SLC36A2: variants seen among roughly 807,000 people sequenced by gnomAD.
SLC36A2 encodes proton-coupled amino acid transporter 2.
Under a neutral mutation model 42.7 loss-of-function variants are expected in SLC36A2, and 39 were observed. That is an observed-to-expected ratio of 0.91 (90% CI 0.71 to 1.19). SLC36A2 has a LOEUF of 1.19. Ranked by LOEUF, SLC36A2 falls within the 50% of genes most tolerant of loss-of-function variation. The pLI, the probability that SLC36A2 is intolerant of heterozygous loss-of-function variation, is 0.00. For synonymous variants in SLC36A2, 237 were observed against 240.8 expected, an observed-to-expected ratio of 0.98 and a Z score of 0.15; for missense variants, 590 against 613.7, an observed-to-expected ratio of 0.96 and a Z score of 0.41.
rs144559356 is a variant in SLC36A2, at chr5:151,335,471, G to C, written c.602C>G (p.Ser201Trp). 5.6e-6 allele frequency: 9 copies of C among 1,614,062 alleles called. No homozygotes were observed. The South Asian group carries it at 8.8e-5, about 16-fold the overall frequency. The stretch of plus-strand genomic sequence containing the variant: ...CAGGAAGGAGAGCATGTAGAGTCGC[G>C]AGTCCATGGTGGGGGTCAGAATCAC... ...ETVILTPTMD[S>W]RLYMLSFLPF... Residue 201 changes from serine (S) to tryptophan (W), a missense_variant, in exon 6 of 10, where the codon TCG becomes TGG. Physicochemically the swap from Ser to Trp is radical, Grantham distance 177. Coordinates refer to ENST00000335244, the MANE Select transcript of SLC36A2 (RefSeq NM_181776.3).
At chr5:151,338,398 C>G (rs900185922) in intron 5 of SLC36A2, among the ~76,000 whole-genome samples, 1 of 144,854 alleles carries the variant, frequency 6.9e-6, no homozygotes, top group Non-Finnish European at 1.5e-5. Context: ...TGGCCCAAGG[C>G]TGGATGTGGT....
chr5:151,335,197 T>C, intron 6 of SLC36A2, 132 bp downstream of exon 6: 1 of 689,310 alleles, frequency 1.5e-6, no homozygotes, highest in Non-Finnish European at 2.6e-6. Context: ...GAAGAAATGC[T>C]ACAGTGAGAT....
chr5:151,329,478 G>A (rs540370005), intron 7 of SLC36A2, among the ~76,000 whole-genome samples: 193 of 152,314 alleles, frequency 1.3e-3, no homozygotes, highest in Non-Finnish European at 2.1e-3. Flanking sequence ...CCAACCTTAA[G>A]ATGACTCAAA....
At chr5:151,332,142 C>T (rs1463685510) in intron 7 of SLC36A2, among the ~76,000 whole-genome samples, 1 of 152,030 alleles carries the variant, frequency 6.6e-6, no homozygotes, top group Non-Finnish European at 1.5e-5. Flanking sequence ...GCTGAGATTA[C>T]CGACGTGAAC....
intron 4 of SLC36A2, among the ~76,000 whole-genome samples, chr5:151,340,604 T>C (rs1475764354): frequency 6.6e-6 from 1 of 151,952 alleles, no homozygotes; most frequent in Non-Finnish European, 1.5e-5. Context: ...GGAGGGAAAC[T>C]AGGGGGAAAG....
chr5:151,321,636 A>T (rs983827860), intron 9 of SLC36A2, among the ~76,000 whole-genome samples: 1 of 151,684 alleles, frequency 6.6e-6, no homozygotes, highest in African/African-American at 2.4e-5. Flanking sequence ...GTAAGTGCTC[A>T]GTAAATGCTG....
intron 7 of SLC36A2, among the ~76,000 whole-genome samples, chr5:151,331,120 G>T (rs1755983907): frequency 6.6e-6 from 1 of 152,062 alleles, no homozygotes; most frequent in Non-Finnish European, 1.5e-5. Flanking sequence ...ATTGTGCTGG[G>T]ATAACTGGAT....
intron 4 of SLC36A2, among the ~76,000 whole-genome samples, chr5:151,342,405 A>G (rs557404278): frequency 7.9e-5 from 12 of 152,022 alleles, no homozygotes; most frequent in Admixed American, 6.6e-5. Flanking sequence ...TGCAGAACTC[A>G]TCTCACCCGT....
rs762325740 is a variant in SLC36A2, at chr5:151,335,281, A to G, written c.744+48T>C. 2.7e-6 allele frequency: 4 copies of G among 1,467,962 alleles called. No homozygotes were observed. The African/African-American group carries it at 5.6e-5, about 20-fold the overall frequency. The allele number at this position is 1,467,962 out of a possible 1,614,324, so 90.9% of individuals were successfully genotyped here. On this transcript the variant is annotated intron_variant, in intron 6 of 9. Coordinates refer to ENST00000335244, the MANE Select transcript of SLC36A2 (RefSeq NM_181776.3). ...ATCTAAAGCTCAGTCTATCCTTGAT[A>G]AAAAAACCCTGCCCAGTGGAGTGGG...
At chr5:151,345,528 C>T (rs1260088652) in intron 1 of SLC36A2, among the ~76,000 whole-genome samples, 1 of 152,074 alleles carries the variant, frequency 6.6e-6, no homozygotes, top group East Asian at 1.9e-4. Context: ...ATAGATTCAT[C>T]AAGGGTTAAA....
In SLC36A2 at chr5:151,315,444, C is replaced by T. The variant is rs1041989185; in HGVS notation, c.*1373G>A. ...AGGAGTTTGAGACCAGCCTGGCCAA[C>T]ATGGTAAAACCCCATCTCTACGAAA... On this transcript the variant is annotated 3_prime_UTR_variant, in exon 10 of 10. Transcript: ENST00000335244. The T allele has an allele frequency of 9.8e-5, 14 of 143,404 alleles. No individual in the cohort carries two copies. Among genetic ancestry groups the T allele is most frequent in the African/African-American group, 3.7e-4 (14 of 37,520 alleles). The allele number at this position is 143,404 out of a possible 1,614,324, so 8.9% of individuals were successfully genotyped here. A position where few individuals can be genotyped will look rare whatever the true frequency, so the allele number is the denominator to read the frequency against.
chr5:151,339,063 T>C lies in SLC36A2; in HGVS notation c.522A>G (p.Lys174=), dbSNP rs1222195920. The C allele has an allele frequency of 6.2e-7, 1 of 1,608,520 alleles. No homozygotes were observed. The highest frequency in any genetic ancestry group is 8.5e-7 in the Non-Finnish European group (1 of 1,176,056). ...VYIVFLADNL[K]QVVEAVNSTT... ...CGTTTTCTCTAGAAGCCTCTACCTG[T>C]TTTAAATTATCAGCCAAAAACACAA... Residue 174 remains lysine, a synonymous_variant, in exon 5 of 10, where the codon AAA becomes AAG. Coordinates refer to ENST00000335244, the MANE Select transcript of SLC36A2 (RefSeq NM_181776.3).
At chr5:151,322,632 A>G (rs1312623988) in intron 8 of SLC36A2, among the ~76,000 whole-genome samples, 2 of 152,262 alleles carry the variant, frequency 1.3e-5, no homozygotes, top group Non-Finnish European at 2.9e-5. Context: ...CTTTGTGATC[A>G]GTCCTTAGGA....
At chr5:151,321,002 T>A (rs1755669157) in intron 9 of SLC36A2, among the ~76,000 whole-genome samples, 1 of 152,172 alleles carries the variant, frequency 6.6e-6, no homozygotes, top group South Asian at 2.1e-4. Flanking sequence ...AGTTTTCTCT[T>A]TCATAAAGTA....
At chr5:151,339,215 C>G (rs1430794372) in intron 4 of SLC36A2, 71 bp from the exon 5 acceptor site, 41 of 1,201,358 alleles carry the variant, frequency 3.4e-5, no homozygotes, top group Non-Finnish European at 4.9e-5. Context: ...CCATTTCTTG[C>G]CATTCTGCCC....
chr5:151,342,998 G>T lies in SLC36A2; in HGVS notation c.345-15C>A, dbSNP rs1371208052. On this transcript the variant is annotated splice_polypyrimidine_tract_variant and intron_variant, in intron 3 of 9. Transcript: ENST00000335244. ...GCTTGTTAAGCCTGCAGGAGAGAGT[G>T]CATAAACGGTTTCCAAGAGATAGTT... 4 of 1,601,762 alleles carry T rather than the reference G, an allele frequency of 2.5e-6. No homozygotes were observed. Among genetic ancestry groups the T allele is most frequent in the Non-Finnish European group, 3.4e-6 (4 of 1,168,884 alleles).
At chr5:151,337,960 C>T (rs1173797479) in intron 5 of SLC36A2, among the ~76,000 whole-genome samples, 1 of 152,146 alleles carries the variant, frequency 6.6e-6, no homozygotes, top group East Asian at 1.9e-4. Flanking sequence ...AGAACTTGAG[C>T]ACTGGTGTCA....
chr5:151,340,719 A>G (rs1756321616), intron 4 of SLC36A2, among the ~76,000 whole-genome samples: 1 of 152,210 alleles, frequency 6.6e-6, no homozygotes, highest in African/African-American at 2.4e-5. Flanking sequence ...ATACAACAAG[A>G]AGGTCTTTTA....
At chr5:151,338,806 G>T in intron 5 of SLC36A2, 1 of 366,222 alleles carries the variant, frequency 2.7e-6, no homozygotes, top group Non-Finnish European at 5.3e-6. Flanking sequence ...AAATCCAAGG[G>T]TCTTTCCATT....
Sources: gnomAD v4.1 joint callset for allele counts (sites outside exome capture counted in the v4.1 genomes callset) on GRCh38, gnomAD v4.1.1 for gene constraint, MANE v1.5 for transcripts, NCBI Gene and HGNC (gene_info 2026-07-23, HGNC 2026-07-21) for gene names.